ANXA8L1: variants seen among roughly 807,000 people sequenced by gnomAD.
The protein encoded by ANXA8L1 is annexin A8 like 1.
In ANXA8L1, 10 loss-of-function variants were observed where a neutral mutation model predicts 22.5. That is an observed-to-expected ratio of 0.44 (90% CI 0.27 to 0.75). The LOEUF is 0.75. ANXA8L1 is among the 30% of genes least tolerant of loss of function. The pLI is 0.15. For missense variants in ANXA8L1, 88 were observed against 219.6 expected (o/e 0.40, Z 3.79); for synonymous variants, 36 against 86.0 (o/e 0.42, Z 3.22).
intron 1 of ANXA8L1, among the ~76,000 whole-genome samples, chr10:46,377,792 G>T (rs1207614425): frequency 8.4e-6 from 1 of 119,170 alleles, no homozygotes; most frequent in East Asian, 2.0e-4. Context: ...AGGCCTCTGG[G>T]CAGCCACGTA....
intron 1 of ANXA8L1, among the ~76,000 whole-genome samples, chr10:46,378,371 AG>A (rs1839955544): frequency 7.6e-6 from 1 of 131,794 alleles, no homozygotes. Flanking sequence ...TCAGTAGGGC[AG>A]GGGAGGTAGA....
intron 1 of ANXA8L1, among the ~76,000 whole-genome samples, chr10:46,378,878 ATGGATGG>A: frequency 7.5e-6 from 1 of 134,044 alleles, no homozygotes; most frequent in Non-Finnish European, 1.6e-5. Flanking sequence ...CAGGGCTTCG[ATGGATGG>A]ATGGATGGAT....
rs1840030545 is a variant in ANXA8L1, at chr10:46,385,930, T to TC, written c.742+129dup. 5 of 154,360 alleles carry TC rather than the reference T, an allele frequency of 3.2e-5. 1 individual carries two copies. The highest frequency in any genetic ancestry group is 6.2e-5 in the Non-Finnish European group (5 of 81,084). The allele number at this position is 154,360 out of a possible 1,614,324, so 9.6% of individuals were successfully genotyped here. ...ATCCCTGTGTCACCTTCACGGGATGTCCCCCCGACTCACACTCTGCCTGTC... is the reference window on the plus strand; with the variant it reads ...ATCCCTGTGTCACCTTCACGGGATGTCCCCCCCGACTCACACTCTGCCTGTC... On this transcript the variant is annotated intron_variant, in intron 9 of 11. Transcript: ENST00000619162.
At chr10:46,390,089 C>T (rs2133018746) in intron 11 of ANXA8L1, among the ~76,000 whole-genome samples, 23,352 of 148,678 alleles carry the variant, frequency 0.16, 1,478 homozygotes, top group Middle Eastern at 0.21. Context: ...CTCTTGGCCC[C>T]GCTGTCCTCA....
chr10:46,378,876 C>T (rs563227858), intron 1 of ANXA8L1, among the ~76,000 whole-genome samples: 3 of 133,588 alleles, frequency 2.2e-5, no homozygotes, highest in African/African-American at 3.2e-5. Flanking sequence ...CCCAGGGCTT[C>T]GATGGATGGA....
At chr10:46,385,150 GGGGA>G (rs1235896984) in intron 7 of ANXA8L1, among the ~76,000 whole-genome samples, 6 of 72,188 alleles carry the variant, frequency 8.3e-5, no homozygotes, top group Admixed American at 2.9e-4. Flanking sequence ...AGGGAAGTCT[GGGGA>G]CCAGGCAGTT....
At chr10:46,389,747 T>G (rs1588897653) in intron 11 of ANXA8L1, among the ~76,000 whole-genome samples, 4 of 151,518 alleles carry the variant, frequency 2.6e-5, no homozygotes, top group African/African-American at 9.8e-5. Context: ...CCAGGCGTAG[T>G]GGCCCACACC....
At chr10:46,378,955 T>G (rs1476083546) in intron 1 of ANXA8L1, among the ~76,000 whole-genome samples, 1 of 141,828 alleles carries the variant, frequency 7.1e-6, no homozygotes, top group Non-Finnish European at 1.5e-5. Flanking sequence ...GATGGATGGA[T>G]GTGGTAGTCA....
chr10:46,384,922 G>T (rs1181248202), intron 7 of ANXA8L1, 89 bp downstream of exon 7: 6 of 1,592,342 alleles, frequency 3.8e-6, no homozygotes, highest in Non-Finnish European at 2.6e-6. Flanking sequence ...TCTGACACTG[G>T]GCTGGGACCC....
Position 46,385,366 on chromosome 10 carries a change from T to A in ANXA8L1, c.553-14T>A. The A allele has an allele frequency of 1.2e-6, 1 of 841,790 alleles. No homozygotes were observed. Among genetic ancestry groups the A allele is most frequent in the Non-Finnish European group, 1.7e-6 (1 of 581,340 alleles). 52.1% of individuals were successfully genotyped at this position (841,790 alleles called of 1,614,324 possible). ...GTCTCCCTCACTGGCTTATTGTGGG[T>A]GTCCCAATGCTAGGATCTGTATGCG... On this transcript the variant is annotated splice_polypyrimidine_tract_variant and intron_variant, in intron 7 of 11. Coordinates refer to ENST00000619162, the MANE Select transcript of ANXA8L1 (RefSeq NM_001098845.3).
intron 11 of ANXA8L1, among the ~76,000 whole-genome samples, chr10:46,390,038 C>T (rs1840060631): frequency 6.6e-6 from 1 of 150,656 alleles, no homozygotes; most frequent in Non-Finnish European, 1.5e-5. Flanking sequence ...CCCCAGTCTA[C>T]CCCTTACTCA....
chr10:46,390,184 G>A (rs1840063524), intron 11 of ANXA8L1, among the ~76,000 whole-genome samples: 1 of 150,766 alleles, frequency 6.6e-6, no homozygotes, highest in African/African-American at 2.5e-5. Context: ...GTCCCATCAG[G>A]ACCTACCAGT....
At position 46,385,745 on chromosome 10, in the gene ANXA8L1, G is replaced by C; in HGVS notation, c.680G>C (p.Ser227Thr). 1 of 347,602 alleles carries C rather than the reference G, an allele frequency of 2.9e-6. No individual in the cohort carries two copies. Among genetic ancestry groups the C allele is most frequent in the East Asian group, 3.0e-5 (1 of 33,482 alleles). The allele number at this position is 347,602 out of a possible 1,614,324, so 21.5% of individuals were successfully genotyped here. A position where few individuals can be genotyped will look rare whatever the true frequency, so the allele number is the denominator to read the frequency against. Residue 227 changes from serine to threonine, a missense_variant, in exon 9 of 12, where the codon AGC (serine) becomes ACC (threonine). Transcript: ENST00000619162. ...FEEYEKIANK[S>T]IEDSIKSETH... The stretch of plus-strand genomic sequence containing the variant: ...GAGTATGAGAAAATTGCCAACAAGA[G>C]CATTGAGGACAGCATCAAGAGTGAG...
At position 46,391,062 on chromosome 10, in the gene ANXA8L1, GCTTTCC is replaced by G. The variant is rs1840080044; in HGVS notation, c.*133_*138del. On this transcript the variant is annotated 3_prime_UTR_variant, in exon 12 of 12. Coordinates refer to ENST00000619162, the MANE Select transcript of ANXA8L1 (RefSeq NM_001098845.3). ...GGTCTTCTATTTCCCTATTTCCAGTGCTTTCCAGCCGGGTTTCTGACCCAGAGGGTG... is the reference window on the plus strand; with the variant it reads ...GGTCTTCTATTTCCCTATTTCCAGTGAGCCGGGTTTCTGACCCAGAGGGTG... 6 of 750,228 alleles carry G rather than the reference GCTTTCC, an allele frequency of 8.0e-6. No individual in the cohort carries two copies. The South Asian group carries it at 1.1e-4, about 14-fold the overall frequency. The allele number at this position is 750,228 out of a possible 1,614,324, so 46.5% of individuals were successfully genotyped here.
At chr10:46,378,866 C>T (rs1839961948) in intron 1 of ANXA8L1, among the ~76,000 whole-genome samples, 1 of 143,494 alleles carries the variant, frequency 7.0e-6, no homozygotes, top group East Asian at 1.9e-4. Context: ...CACAATCTAA[C>T]CCAGGGCTTC....
At chr10:46,389,453 T>C (rs1264233840) in intron 11 of ANXA8L1, among the ~76,000 whole-genome samples, 5 of 147,958 alleles carry the variant, frequency 3.4e-5, no homozygotes, top group Non-Finnish European at 5.9e-5. Flanking sequence ...TACAGATACA[T>C]GAAGCCACCC....
intron 5 of ANXA8L1, 34 bp downstream of exon 5, chr10:46,383,580 T>C (rs1306733172): frequency 3.8e-6 from 2 of 533,192 alleles, no homozygotes; most frequent in East Asian, 6.4e-5. Flanking sequence ...GGCTCAGGAG[T>C]GGCCACAAGC....
chr10:46,389,427 G>A (rs1840050877), intron 11 of ANXA8L1, among the ~76,000 whole-genome samples: 1 of 143,312 alleles, frequency 7.0e-6, no homozygotes, highest in Admixed American at 7.1e-5. Flanking sequence ...GTAACTTACG[G>A]CATCAGAGAG....
intron 1 of ANXA8L1, among the ~76,000 whole-genome samples, chr10:46,378,339 TTGTC>T (rs1839955009): frequency 7.0e-6 from 1 of 143,134 alleles, no homozygotes; most frequent in Non-Finnish European, 1.5e-5. Flanking sequence ...GGAACACTCA[TTGTC>T]TGGGAAAGGT....
Sources: allele counts gnomAD v4.1 joint callset (sites outside exome capture counted in the v4.1 genomes callset), GRCh38; gene constraint gnomAD v4.1.1; transcripts MANE v1.5; gene names NCBI Gene and HGNC (gene_info 2026-07-23, HGNC 2026-07-21).